Variants in FAM161A observed in about 807,000 individuals in gnomAD.
FAM161A encodes protein FAM161A.
Under a neutral mutation model 70.9 loss-of-function variants are expected in FAM161A, and 57 were observed. That is an observed-to-expected ratio of 0.80 (90% CI 0.65 to 1.00). FAM161A has a LOEUF of 1.00. Ranked by LOEUF, FAM161A falls within the 50% of genes least tolerant of loss-of-function variation. FAM161A has a pLI of 0.00. For synonymous variants in FAM161A, 299 were observed against 295.7 expected (o/e 1.01, Z -0.12); for missense variants, 880 against 836.0 (o/e 1.05, Z -0.65).
intron 1 of FAM161A, among the ~76,000 whole-genome samples, chr2:61,847,677 C>T (rs931063638): frequency 3.9e-5 from 6 of 151,996 alleles, no homozygotes; most frequent in East Asian, 1.9e-4. Flanking sequence ...GGGACTGAGG[C>T]GGAAGGATCA....
At chr2:61,802,345 C>T in the FAM161A span, among the ~76,000 whole-genome samples, 5 of 152,100 alleles carry the variant, frequency 3.3e-5, no homozygotes, top group Admixed American at 6.6e-5. Context: ...ATAGGTAATC[C>T]GCCCTCCCTC....
rs1350368615 is a variant in FAM161A at position 61,836,090 on chromosome 2, T to C, written c.1771A>G (p.Met591Val). ...KCLRKSEKERMREYQRELEER... is the reference protein window; with the variant it reads ...KCLRKSEKERVREYQRELEER... ...TCTAGTTCTCGTTGGTATTCTCTCATCCTTTCCTTTTCGCTCTTTCTAAAA... is the reference window on the plus strand; with the variant it reads ...TCTAGTTCTCGTTGGTATTCTCTCACCCTTTCCTTTTCGCTCTTTCTAAAA... The change falls in exon 5 of 7, where the codon ATG (methionine) becomes GTG (valine). Residue 591 changes from methionine (M) to valine (V), a missense_variant. Met to Val is a conservative substitution (Grantham distance 21). Transcript: ENST00000404929. 2.5e-6 allele frequency: 4 copies of C among 1,609,780 alleles called. No individual in the cohort carries two copies. In the Admixed American group the frequency reaches 6.7e-5, roughly 27 times the overall value.
At chr2:61,818,301 C>T in the FAM161A span, among the ~76,000 whole-genome samples, 1 of 152,130 alleles carries the variant, frequency 6.6e-6, no homozygotes, top group Admixed American at 6.5e-5. Context: ...AGTGATCCAC[C>T]CGCCTCGGTC....
Position 61,840,080 on chromosome 2 carries a change from CCTT to C in FAM161A, c.921_923del (p.Arg308del), listed in dbSNP as rs756869382. On this transcript the variant is annotated inframe_deletion, in exon 3 of 7. Coordinates refer to ENST00000404929, the MANE Select transcript of FAM161A (RefSeq NM_001201543.2). Reference sequence around the variant, plus strand: ...CTTCTTTGCTTTTCTCCTTCAGAGACCTTCTCCGTTCTTCTTTTTGCTTGACTA... The same window carrying C: ...CTTCTTTGCTTTTCTCCTTCAGAGACCTCCGTTCTTCTTTTTGCTTGACTA... 4 of 1,614,190 alleles carry C rather than the reference CCTT, an allele frequency of 2.5e-6. No individual in the cohort carries two copies. In the Admixed American group the frequency reaches 5.0e-5, roughly 20 times the overall value.
At chr2:61,833,787 T>C (rs936020897) in intron 5 of FAM161A, among the ~76,000 whole-genome samples, 1 of 151,980 alleles carries the variant, frequency 6.6e-6, no homozygotes, top group African/African-American at 2.4e-5. Context: ...CCCATCAACT[T>C]GGGAGGTGGA....
the FAM161A span, among the ~76,000 whole-genome samples, chr2:61,816,361 A>G: frequency 3.3e-5 from 5 of 152,110 alleles, no homozygotes; most frequent in Admixed American, 3.3e-4. Context: ...CCTTGCCCAA[A>G]TCTACAAGTA....
the FAM161A span, among the ~76,000 whole-genome samples, chr2:61,812,938 A>G: frequency 6.6e-6 from 1 of 151,726 alleles, no homozygotes; most frequent in South Asian, 2.1e-4. Context: ...GCGTGGTGGC[A>G]GGCGCCACCA....
the FAM161A span, among the ~76,000 whole-genome samples, chr2:61,813,479 C>G: frequency 6.9e-6 from 1 of 144,392 alleles, no homozygotes; most frequent in African/African-American, 2.6e-5. Context: ...ATCCAGGAGG[C>G]AGAGGTTGCA....
the FAM161A span, among the ~76,000 whole-genome samples, chr2:61,808,544 T>G: frequency 6.6e-6 from 1 of 152,182 alleles, no homozygotes; most frequent in Non-Finnish European, 1.5e-5. Flanking sequence ...AGTGCTGGGA[T>G]TACAGGCATG....
the FAM161A span, among the ~76,000 whole-genome samples, chr2:61,813,041 C>T: frequency 1.3e-5 from 2 of 151,246 alleles, no homozygotes; most frequent in Admixed American, 6.6e-5. Flanking sequence ...CCAGCCTGGG[C>T]AACAGAGCAA....
Position 61,842,219 on chromosome 2 carries a change from T to C in FAM161A, c.325A>G (p.Thr109Ala). 6.2e-7 allele frequency: 1 copy of C among 1,613,926 alleles called. No individual in the cohort carries two copies. Among genetic ancestry groups the C allele is most frequent in the Non-Finnish European group, 8.5e-7 (1 of 1,179,786 alleles). ...VEELKAAHIE[T>A]MAKLEKMYQD... ...TACATTTTCTCTAATTTTGCCATAG[T>C]TTCTATGTGGGCAGCCTTCAACTCT... The change falls in exon 2 of 7, where the codon ACT becomes GCT. Residue 109 changes from threonine (T) to alanine (A), a missense_variant. Coordinates refer to ENST00000404929, the MANE Select transcript of FAM161A (RefSeq NM_001201543.2).
rs1357813175 is a variant in FAM161A, at chr2:61,839,768, A to G, written c.1236T>C (p.Pro412=). 2.5e-6 allele frequency: 4 copies of G among 1,614,044 alleles called. No individual in the cohort carries two copies. The Admixed American group carries it at 6.7e-5, about 27-fold the overall frequency. The part of the protein sequence containing the change: ...SACGCRNPRC[P]EQAVKLKCKH... ...TACACTTCAACTTTACAGCCTGTTC[A>G]GGACACCTGGGGTTCCTGCATCCAC... Residue 412 remains proline, a synonymous_variant, in exon 3 of 7, where the codon CCT becomes CCC. Transcript: ENST00000404929.
rs543070461 is a variant in FAM161A at position 61,853,757 on chromosome 2, C to A, written c.183+102G>T. 2.8e-5 allele frequency: 38 copies of A among 1,340,198 alleles called. No homozygotes were observed. In the African/African-American group the frequency reaches 4.5e-4, roughly 16 times the overall value. The allele number at this position is 1,340,198 out of a possible 1,614,324, so 83.0% of individuals were successfully genotyped here. On this transcript the variant is annotated intron_variant, in intron 1 of 6. Transcript: ENST00000404929. ...AAGTAGGGACTATGTGCACAGGGAC[C>A]CGCGTTTACCAGCCTGCCCTCAGCT...
At chr2:61,839,013 G>C (rs2105079337) in intron 3 of FAM161A, among the ~76,000 whole-genome samples, 1 of 151,774 alleles carries the variant, frequency 6.6e-6, no homozygotes, top group Non-Finnish European at 1.5e-5. Flanking sequence ...CTCCTGAGTA[G>C]CTGGGATTAC....
chr2:61,835,683 C>T (rs1206991205), intron 5 of FAM161A: 3 of 210,074 alleles, frequency 1.4e-5, no homozygotes, highest in Non-Finnish European at 2.9e-5. Flanking sequence ...TGTGCTTCAT[C>T]AAAAAGATTC....
chr2:61,806,113 G>A, the FAM161A span, among the ~76,000 whole-genome samples: 2 of 152,236 alleles, frequency 1.3e-5, no homozygotes, highest in East Asian at 3.9e-4. Context: ...AGCTATTCAG[G>A]AGGCTGAGGC....
In FAM161A at chr2:61,854,022, A is replaced by C. The variant is rs1238038754; in HGVS notation, c.20T>G (p.Val7Gly). Reference sequence around the variant, plus strand: ...GAGACTGGAGGCCACCAGCTTCGCCACTCGGTGGGAGGTGGCCATCGCCCC... The same window carrying C: ...GAGACTGGAGGCCACCAGCTTCGCCCCTCGGTGGGAGGTGGCCATCGCCCC... MATSHR[V>G]AKLVASSLQT... Residue 7 changes from valine (V) to glycine (G), a missense_variant, in exon 1 of 7, where the codon GTG becomes GGG. Val to Gly is a moderately radical substitution (Grantham distance 109, BLOSUM62 -3). Coordinates refer to ENST00000404929, the MANE Select transcript of FAM161A (RefSeq NM_001201543.2). 2.5e-6 allele frequency: 4 copies of C among 1,610,408 alleles called. No homozygotes were observed. In the South Asian group the frequency reaches 3.3e-5, roughly 13 times the overall value.
intron 5 of FAM161A, among the ~76,000 whole-genome samples, chr2:61,830,112 C>T (rs1672513401): frequency 6.6e-6 from 1 of 151,908 alleles, no homozygotes; most frequent in South Asian, 2.1e-4. Context: ...GATGATTGTC[C>T]CTGTTATAAA....
intron 5 of FAM161A, among the ~76,000 whole-genome samples, chr2:61,834,587 C>T (rs1257703114): frequency 6.6e-6 from 1 of 152,002 alleles, no homozygotes; most frequent in East Asian, 1.9e-4. Context: ...CTCAGCCTCC[C>T]AAGTAGTTGG....
Sources: allele counts gnomAD v4.1 joint callset (sites outside exome capture counted in the v4.1 genomes callset), GRCh38; gene constraint gnomAD v4.1.1; transcripts MANE v1.5; gene names NCBI Gene and HGNC (gene_info 2026-07-23, HGNC 2026-07-21).